The following ANKRD44 variants were observed in gnomAD, a reference collection of about 807,000 sequenced individuals.
ANKRD44 encodes the protein ankyrin repeat domain 44, also known as serine/threonine-protein phosphatase 6 regulatory ankyrin repeat subunit B.
In ANKRD44, 35 loss-of-function variants were observed where a neutral mutation model predicts 116.0. The observed-to-expected ratio is 0.30, with a 90% CI of 0.23 to 0.40. The LOEUF is 0.40. Ranked by LOEUF, ANKRD44 falls within the 10% of genes least tolerant of loss-of-function variation. The pLI is 1.00. For missense variants in ANKRD44, 1,014 were observed against 1,242.6 expected, an observed-to-expected ratio of 0.82 and a Z score of 2.77; for synonymous variants, 435 against 461.8, an observed-to-expected ratio of 0.94 and a Z score of 0.74.
intron 21 of ANKRD44, among the ~76,000 whole-genome samples, chr2:196,981,549 G>T (rs1459657208): frequency 6.6e-6 from 1 of 152,156 alleles, no homozygotes; most frequent in Non-Finnish European, 1.5e-5. Flanking sequence ...GCTGAGGCAG[G>T]TGGATCACCT....
intron 16 of ANKRD44, among the ~76,000 whole-genome samples, chr2:197,046,230 G>A (rs752606425): frequency 2.0e-5 from 3 of 152,242 alleles, no homozygotes; most frequent in Non-Finnish European, 4.4e-5. Flanking sequence ...GGTACTGTCA[G>A]CTATAAACAT....
At chr2:197,119,554 A>C (rs2078803362) in intron 8 of ANKRD44, among the ~76,000 whole-genome samples, 1 of 152,192 alleles carries the variant, frequency 6.6e-6, no homozygotes, top group South Asian at 2.1e-4. Flanking sequence ...GCATGTTCAT[A>C]AAATTATACT....
chr2:197,263,177 C>A, intron 1 of ANKRD44: 1 of 476,032 alleles, frequency 2.1e-6, no homozygotes. Context: ...GCTGCTAAGC[C>A]ATCTGCTACC....
chr2:197,023,213 G>A (rs574743035), intron 17 of ANKRD44, among the ~76,000 whole-genome samples: 16 of 152,336 alleles, frequency 1.1e-4, no homozygotes, highest in East Asian at 9.6e-4. Context: ...ATGGCCCTAC[G>A]TTGAGGTACT....
Position 197,212,050 on chromosome 2 carries a change from T to TACA in ANKRD44, c.28-24945_28-24944insTGT, listed in dbSNP as rs2081338633. On this transcript the variant is annotated intron_variant, in intron 1 of 27. Coordinates refer to ENST00000282272, the MANE Select transcript of ANKRD44 (RefSeq NM_001195144.2). The surrounding 1 kb of genome is among the most constrained non-coding windows in gnomAD (Gnocchi z 4.8). Reference sequence around the variant, plus strand: ...CTCTCTCTCTCTCAGTCTCTCTCTCTCTCACACACACACACACACACACAC... The same window carrying TACA: ...CTCTCTCTCTCTCAGTCTCTCTCTCTACACTCACACACACACACACACACACAC... Among the ~76,000 whole-genome samples the TACA allele has an allele frequency of 1.6e-5, 2 of 123,664 alleles. No individual in the cohort carries two copies. Among genetic ancestry groups the TACA allele is most frequent in the African/African-American group, 2.5e-5 (1 of 39,388 alleles). The allele number at this position is 123,664 out of a possible 152,430, so 81.1% of individuals were successfully genotyped here.
chr2:197,189,289 C>G (rs945186381), intron 1 of ANKRD44, among the ~76,000 whole-genome samples: 8 of 152,194 alleles, frequency 5.3e-5, no homozygotes, highest in Admixed American at 2.0e-4. Flanking sequence ...ACATATATCT[C>G]TTTTTCTTTC....
intron 1 of ANKRD44, among the ~76,000 whole-genome samples, chr2:197,239,295 G>A (rs2082040975): frequency 6.6e-6 from 1 of 152,182 alleles, no homozygotes; most frequent in Admixed American, 6.5e-5. Context: ...CCAGGCTAGA[G>A]AGCATGGCTC....
chr2:197,054,698 T>C (rs890378971), intron 16 of ANKRD44, among the ~76,000 whole-genome samples: 3 of 152,212 alleles, frequency 2.0e-5, no homozygotes, highest in East Asian at 3.8e-4. Flanking sequence ...AATTCCTGTT[T>C]GATTTATGAC....
intron 1 of ANKRD44, among the ~76,000 whole-genome samples, chr2:197,265,641 C>A (rs2082722525): frequency 6.6e-6 from 1 of 152,142 alleles, no homozygotes; most frequent in African/African-American, 2.4e-5. Flanking sequence ...CATTTTGTTT[C>A]ATGATTCTCT....
chr2:197,275,569 G>T (rs140964411), intron 1 of ANKRD44, among the ~76,000 whole-genome samples: 4 of 152,046 alleles, frequency 2.6e-5, no homozygotes, highest in African/African-American at 2.4e-5. Context: ...CACCATGTTG[G>T]GGGGGTGGGC....
At chr2:196,991,683 C>T (rs1250687777) in intron 27 of ANKRD44, among the ~76,000 whole-genome samples, 2 of 152,000 alleles carry the variant, frequency 1.3e-5, no homozygotes. Flanking sequence ...CGGGCTCAAG[C>T]AATCCTCCCA....
At chr2:197,171,441 A>G (rs1361843602) in intron 2 of ANKRD44, among the ~76,000 whole-genome samples, 1 of 152,218 alleles carries the variant, frequency 6.6e-6, no homozygotes, top group Non-Finnish European at 1.5e-5. Context: ...TGACAGTCTA[A>G]CTGGAACTAC....
intron 15 of ANKRD44, among the ~76,000 whole-genome samples, chr2:197,080,840 G>A (rs1363252722): frequency 2.0e-5 from 3 of 152,148 alleles, no homozygotes; most frequent in Non-Finnish European, 4.4e-5. Context: ...AGTTAACAAC[G>A]ATGTGCCTGC....
intron 9 of ANKRD44, among the ~76,000 whole-genome samples, chr2:197,109,275 C>T (rs879387160): frequency 1.3e-5 from 2 of 152,208 alleles, no homozygotes; most frequent in Non-Finnish European, 2.9e-5. Flanking sequence ...ACTAGGGTCA[C>T]TCCCCCCGAC....
At chr2:197,118,617 G>GAC (rs57119522) in intron 8 of ANKRD44, among the ~76,000 whole-genome samples, 1 of 105,722 alleles carries the variant, frequency 9.5e-6, no homozygotes, top group African/African-American at 4.1e-5. Flanking sequence ...GAGAAAGAAA[G>GAC]AGAGAGAGAG....
downstream of ANKRD44, among the ~76,000 whole-genome samples, chr2:196,982,108 T>TTATATATATATATA (rs58816698): frequency 1.1e-3 from 102 of 96,454 alleles, 2 homozygotes; most frequent in African/African-American, 2.8e-3. Context: ...CTAAAAAAAA[T>TTATATATATATATA]TATATATATA....
At chr2:197,238,328 T>TAAA (rs34671387) in intron 1 of ANKRD44, among the ~76,000 whole-genome samples, 1 of 151,048 alleles carries the variant, frequency 6.6e-6, no homozygotes, top group Non-Finnish European at 1.5e-5. Context: ...CACTCTACCG[T>TAAA]AAAAAAAAAT....
chr2:197,271,264 A>G (rs2082891492), intron 1 of ANKRD44, among the ~76,000 whole-genome samples: 1 of 152,186 alleles, frequency 6.6e-6, no homozygotes. Context: ...TCCCAATAAT[A>G]TTAAGAGGTG....
intron 1 of ANKRD44, among the ~76,000 whole-genome samples, chr2:197,293,158 G>A (rs1397932326): frequency 6.6e-6 from 1 of 152,120 alleles, no homozygotes; most frequent in African/African-American, 2.4e-5. Flanking sequence ...AAGATCCCAA[G>A]AGGAGAAAAA....
Sources: gnomAD v4.1 joint callset for allele counts (sites outside exome capture counted in the v4.1 genomes callset) on GRCh38, gnomAD v4.1.1 for gene constraint, Gnocchi (gnomAD v3.1) non-coding constraint, MANE v1.5 for transcripts, NCBI Gene and HGNC (gene_info 2026-07-23, HGNC 2026-07-21) for gene names.